Variants in ADAMTS14 observed in about 807,000 individuals in gnomAD.
ADAMTS14 encodes the protein ADAM metallopeptidase with thrombospondin type 1 motif 14, also known as A disintegrin and metalloproteinase with thrombospondin motifs 14.
In ADAMTS14, 100 loss-of-function variants were observed where a neutral mutation model predicts 128.6. That is an observed-to-expected ratio of 0.78 (90% CI 0.66 to 0.92). The LOEUF (loss-of-function observed/expected upper bound fraction) is 0.92. Among genes scored for constraint, ADAMTS14 ranks in the 40% least tolerant of loss-of-function variants. The pLI is 0.00. For synonymous variants in ADAMTS14, 665 were observed against 653.8 expected, an observed-to-expected ratio of 1.02 and a Z score of -0.26; for missense variants, 1,562 against 1,658.6, an observed-to-expected ratio of 0.94 and a Z score of 1.01.
At chr10:70,711,576 C>T (rs1360484711) in intron 4 of ADAMTS14, among the ~76,000 whole-genome samples, 1 of 152,244 alleles carries the variant, frequency 6.6e-6, no homozygotes, top group Non-Finnish European at 1.5e-5. Flanking sequence ...TCCAGGGTAT[C>T]TAGCACATGC....
intron 3 of ADAMTS14, among the ~76,000 whole-genome samples, chr10:70,706,097 T>G (rs1222060193): frequency 2.0e-5 from 3 of 152,156 alleles, no homozygotes; most frequent in Admixed American, 6.5e-5. Context: ...CCCTGAGGGT[T>G]GTCTGCTCCT....
intron 2 of ADAMTS14, among the ~76,000 whole-genome samples, chr10:70,678,408 G>A (rs1052774809): frequency 2.7e-5 from 4 of 150,708 alleles, no homozygotes; most frequent in Admixed American, 1.3e-4. Flanking sequence ...GGGAGTGATT[G>A]TTTTCTTTGA....
At chr10:70,724,995 A>G (rs1454874235) in intron 4 of ADAMTS14, among the ~76,000 whole-genome samples, 1 of 151,136 alleles carries the variant, frequency 6.6e-6, no homozygotes, top group Non-Finnish European at 1.5e-5. Flanking sequence ...TCTGTGTAAC[A>G]GTTTTTGTTT....
chr10:70,722,902 G>C (rs1841314835), intron 4 of ADAMTS14, among the ~76,000 whole-genome samples: 1 of 152,202 alleles, frequency 6.6e-6, no homozygotes, highest in African/African-American at 2.4e-5. Flanking sequence ...CTTCAAGGAG[G>C]TGGATTTTAA....
At chr10:70,724,319 C>T (rs769906895) in intron 4 of ADAMTS14, among the ~76,000 whole-genome samples, 4 of 152,208 alleles carry the variant, frequency 2.6e-5, no homozygotes, top group Non-Finnish European at 5.9e-5. Context: ...AGGTGAGGAG[C>T]AGGGAAGCTG....
chr10:70,725,339 G>A (rs1158270079), intron 4 of ADAMTS14, among the ~76,000 whole-genome samples: 1 of 152,196 alleles, frequency 6.6e-6, no homozygotes, highest in African/African-American at 2.4e-5. Context: ...ACTATTCAGT[G>A]CATGTGAGTA....
intron 2 of ADAMTS14, among the ~76,000 whole-genome samples, chr10:70,693,612 C>T (rs1257964059): frequency 6.6e-6 from 1 of 152,222 alleles, no homozygotes; most frequent in Non-Finnish European, 1.5e-5. Context: ...ATTACATGAT[C>T]TGAGAGTGGT....
At chr10:70,701,771 C>T (rs1349099117) in intron 2 of ADAMTS14, among the ~76,000 whole-genome samples, 1 of 152,172 alleles carries the variant, frequency 6.6e-6, no homozygotes, top group African/African-American at 2.4e-5. Context: ...CGGCCTCCAA[C>T]CCCCATCCTG....
rs753492425 is a variant in ADAMTS14 at position 70,760,853 on chromosome 10, A to G, written c.3672A>G (p.Ter1224TrpextTer26). 1 of 1,561,196 alleles carries G rather than the reference A, an allele frequency of 6.4e-7. No homozygotes were observed. Among genetic ancestry groups the G allele is most frequent in the Admixed American group, 1.8e-5 (1 of 55,018 alleles). ...TSLPAASPVT[*>W] is the part of the protein sequence containing the mutation. ...TCCCTGCTGCCTCCCCGGTGACATG[A>G]GCTGTGCCCTGCCATCCCACTGGCA... Residue 1224 changes from the stop codon to tryptophan (W), a stop_lost, in exon 22 of 22, where the codon TGA becomes TGG. Coordinates refer to ENST00000373207, the MANE Select transcript of ADAMTS14 (RefSeq NM_080722.4).
At chr10:70,707,004 C>T (rs1357886359) in intron 3 of ADAMTS14, among the ~76,000 whole-genome samples, 3 of 152,310 alleles carry the variant, frequency 2.0e-5, no homozygotes, top group African/African-American at 7.2e-5. Flanking sequence ...GGCCCTCTGC[C>T]CCCTGTGCTG....
At chr10:70,696,523 T>C (rs1166480999) in intron 2 of ADAMTS14, among the ~76,000 whole-genome samples, 1 of 151,800 alleles carries the variant, frequency 6.6e-6, no homozygotes, top group Non-Finnish European at 1.5e-5. Flanking sequence ...GTGGAGTAAG[T>C]GGATGGTTGG....
At chr10:70,700,316 C>T (rs990662189) in intron 2 of ADAMTS14, among the ~76,000 whole-genome samples, 7 of 152,146 alleles carry the variant, frequency 4.6e-5, no homozygotes, top group Admixed American at 6.5e-5. Flanking sequence ...GGGTCCTTCC[C>T]CTCTACCTGG....
intron 4 of ADAMTS14, among the ~76,000 whole-genome samples, chr10:70,716,487 T>C (rs1404454434): frequency 6.6e-6 from 1 of 152,220 alleles, no homozygotes; most frequent in Non-Finnish European, 1.5e-5. Context: ...ACAGTCAAAC[T>C]TCCCAGCAAG....
intron 2 of ADAMTS14, among the ~76,000 whole-genome samples, chr10:70,676,685 TGCC>T: frequency 6.6e-6 from 1 of 152,242 alleles, no homozygotes; most frequent in Non-Finnish European, 1.5e-5. Context: ...GCTGAGCCTC[TGCC>T]GCCAGCCCAC....
Position 70,672,714 on chromosome 10 carries a change from G to T in ADAMTS14, c.-89G>T. On this transcript the variant is annotated 5_prime_UTR_variant, in exon 1 of 22. Transcript: ENST00000373207. ...AGCGGCGGCAGCCAGCCGGTGCTCC[G>T]ACAGCCCGGGGCGCACCCTAGCCTC... is the stretch of plus-strand genomic sequence containing the variant. The T allele has an allele frequency of 1.5e-6, 2 of 1,343,766 alleles. No homozygotes were observed. Among genetic ancestry groups the T allele is most frequent in the South Asian group, 3.7e-5 (2 of 53,688 alleles). The allele number at this position is 1,343,766 out of a possible 1,614,324, so 83.2% of individuals were successfully genotyped here.
In ADAMTS14 at chr10:70,674,568, C is replaced by G; in HGVS notation, c.95C>G (p.Ser32Cys). ...AGSRTPELHL[S>C]GKLSDYGVTV... ...TTACCTCCAACAGAGCTGCACCTCTCTGGAAAGCTCAGTGACTATGGTGTG... is the reference window on the plus strand; with the variant it reads ...TTACCTCCAACAGAGCTGCACCTCTGTGGAAAGCTCAGTGACTATGGTGTG... Residue 32 changes from serine to cysteine, a missense_variant, in exon 2 of 22, where the codon TCT becomes TGT. By Grantham distance (112) the Ser-to-Cys change is moderately radical. Transcript: ENST00000373207. The G allele has an allele frequency of 6.2e-7, 1 of 1,611,708 alleles. No individual in the cohort carries two copies.
Position 70,674,970 on chromosome 10 carries a change from T to C in ADAMTS14, c.497T>C (p.Val166Ala). The change falls in exon 2 of 22, where the codon GTT (valine) becomes GCT (alanine). Residue 166 changes from valine to alanine, a missense_variant. Coordinates refer to ENST00000373207, the MANE Select transcript of ADAMTS14 (RefSeq NM_080722.4). ...GGVTGMPGAA[V>A]AISNCDGLAG... Reference sequence around the variant, plus strand: ...GTCACTGGAATGCCTGGGGCAGCTGTTGCCATCAGCAACTGTGACGGATTG... The same window carrying C: ...GTCACTGGAATGCCTGGGGCAGCTGCTGCCATCAGCAACTGTGACGGATTG... 2 of 1,612,874 alleles carry C rather than the reference T, an allele frequency of 1.2e-6. No homozygotes were observed. Among genetic ancestry groups the C allele is most frequent in the Non-Finnish European group, 1.7e-6 (2 of 1,179,956 alleles).
At chr10:70,691,819 C>T (rs1403356646) in intron 2 of ADAMTS14, among the ~76,000 whole-genome samples, 1 of 152,168 alleles carries the variant, frequency 6.6e-6, no homozygotes, top group African/African-American at 2.4e-5. Flanking sequence ...CAGCTGGACT[C>T]CCTCTGTCCC....
At chr10:70,685,256 C>T (rs1345499568) in intron 2 of ADAMTS14, among the ~76,000 whole-genome samples, 1 of 152,196 alleles carries the variant, frequency 6.6e-6, no homozygotes, top group East Asian at 1.9e-4. Flanking sequence ...TGGAAAGTTC[C>T]CAAACCATCC....
Sources: gnomAD v4.1 joint callset for allele counts (sites outside exome capture counted in the v4.1 genomes callset) on GRCh38, gnomAD v4.1.1 for gene constraint, MANE v1.5 for transcripts, NCBI Gene and HGNC (gene_info 2026-07-23, HGNC 2026-07-21) for gene names.